GRIK5: variants seen among roughly 807,000 people sequenced by gnomAD.
GRIK5 encodes glutamate receptor ionotropic, kainate 5.
A neutral mutation model predicts 97.4 loss-of-function variants in GRIK5; 43 were observed. The observed-to-expected ratio is 0.44, with a 90% CI of 0.35 to 0.57. The LOEUF (loss-of-function observed/expected upper bound fraction) is 0.57, where lower values mean the gene tolerates loss of function less well. Among genes scored for constraint, GRIK5 ranks in the 20% least tolerant of loss-of-function variants. The pLI is 0.01. For missense variants in GRIK5, 1,015 were observed against 1,382.0 expected, an observed-to-expected ratio of 0.73 and a Z score of 4.21; for synonymous variants, 580 against 583.5, an observed-to-expected ratio of 0.99 and a Z score of 0.09.
intron 11 of GRIK5, among the ~76,000 whole-genome samples, chr19:42,048,679 C>T (rs2076074567): frequency 6.6e-6 from 1 of 151,834 alleles, no homozygotes; most frequent in Admixed American, 6.6e-5. Context: ...TAAAAAGTCA[C>T]ATATCCCAAT....
At chr19:42,063,427 G>A (rs545728890) in intron 3 of GRIK5, 93 of 450,906 alleles carry the variant, frequency 2.1e-4, no homozygotes, top group Non-Finnish European at 3.4e-4. Flanking sequence ...TTCTCCTGGG[G>A]GAACTATCCT....
intron 12 of GRIK5, among the ~76,000 whole-genome samples, chr19:42,026,670 G>T (rs1237208492): frequency 2.6e-5 from 4 of 152,012 alleles, no homozygotes. Flanking sequence ...CCGGGCTCAA[G>T]CAATTATCCT....
At chr19:42,011,806 C>T (rs1274641366) in intron 15 of GRIK5, among the ~76,000 whole-genome samples, 3 of 151,952 alleles carry the variant, frequency 2.0e-5, no homozygotes, top group Non-Finnish European at 2.9e-5. Flanking sequence ...GATCCGGTCT[C>T]TACAAAAAAT....
At chr19:42,034,581 C>T (rs2075878714) in intron 12 of GRIK5, among the ~76,000 whole-genome samples, 1 of 152,064 alleles carries the variant, frequency 6.6e-6, no homozygotes, top group South Asian at 2.1e-4. Flanking sequence ...CAATTATTTG[C>T]TGCGCACCAG....
intron 3 of GRIK5, among the ~76,000 whole-genome samples, chr19:42,064,796 G>A (rs1467996292): frequency 1.3e-5 from 2 of 152,120 alleles, no homozygotes; most frequent in African/African-American, 4.8e-5. Context: ...CTGTGATGTG[G>A]CCGGCCGTGC....
At chr19:42,011,261 A>T (rs2075558387) in intron 15 of GRIK5, among the ~76,000 whole-genome samples, 2 of 151,558 alleles carry the variant, frequency 1.3e-5, no homozygotes, top group South Asian at 4.2e-4. Flanking sequence ...GTTACTTGAA[A>T]GTATTTTGTG....
chr19:42,014,755 A>T (rs896072210), intron 15 of GRIK5, among the ~76,000 whole-genome samples: 1 of 151,468 alleles, frequency 6.6e-6, no homozygotes, highest in Non-Finnish European at 1.5e-5. Flanking sequence ...TGCACTCCCC[A>T]ATACTCACCA....
At position 42,056,750 on chromosome 19, in the gene GRIK5, G is replaced by A. The variant is rs750831712; in HGVS notation, c.815C>T (p.Thr272Met). The A allele has an allele frequency of 2.1e-5, 34 of 1,613,792 alleles. No homozygotes were observed. Among genetic ancestry groups the A allele is most frequent in the Middle Eastern group, 3.3e-4 (2 of 6,084 alleles). Reference protein sequence around the residue: ...SNILGFSMFNTSHPFYPEFVR... With the variant: ...SNILGFSMFNMSHPFYPEFVR... ...AAACTCAGGGTAGAAGGGGTGGGAC[G>A]TGTTGAACATGGAGAAGCCCAGGAT... The change falls in exon 8 of 20, where the codon ACG becomes ATG. Residue 272 changes from threonine to methionine, a missense_variant. Thr to Met is a moderately conservative substitution (Grantham distance 81). Transcript: ENST00000593562.
chr19:42,009,140 A>T (rs2075528577), intron 15 of GRIK5, among the ~76,000 whole-genome samples: 1 of 152,064 alleles, frequency 6.6e-6, no homozygotes. Context: ...AGGTGGGAGG[A>T]TCACTTGAGG....
intron 3 of GRIK5, among the ~76,000 whole-genome samples, chr19:42,065,000 C>T (rs1183947459): frequency 6.6e-6 from 1 of 152,248 alleles, no homozygotes; most frequent in Non-Finnish European, 1.5e-5. Context: ...TTCAACGCCG[C>T]CCCGTGCTCC....
chr19:42,032,480 T>C (rs570476970), intron 12 of GRIK5, among the ~76,000 whole-genome samples: 7 of 152,328 alleles, frequency 4.6e-5, no homozygotes, highest in Non-Finnish European at 8.8e-5. Context: ...CTTCTTGGAA[T>C]GTATCCCTCA....
intron 19 of GRIK5, chr19:42,001,831 C>A: frequency 2.4e-6 from 1 of 419,106 alleles, no homozygotes; most frequent in Non-Finnish European, 4.2e-6. Context: ...CAATAGATAA[C>A]TAACACAAGA....
intron 11 of GRIK5, among the ~76,000 whole-genome samples, chr19:42,052,442 C>T (rs1282129756): frequency 6.6e-6 from 1 of 152,156 alleles, no homozygotes; most frequent in Non-Finnish European, 1.5e-5. Context: ...GCCATCTGTC[C>T]CTCCACAACA....
intron 15 of GRIK5, among the ~76,000 whole-genome samples, chr19:42,007,147 T>G (rs1370276235): frequency 6.7e-6 from 1 of 150,198 alleles, no homozygotes; most frequent in East Asian, 2.0e-4. Flanking sequence ...CAGGATGGAG[T>G]GCAGTGGCAC....
chr19:42,033,644 T>C (rs1213252202), intron 12 of GRIK5, among the ~76,000 whole-genome samples: 1 of 152,078 alleles, frequency 6.6e-6, no homozygotes, highest in Non-Finnish European at 1.5e-5. Flanking sequence ...TGCCACTGAA[T>C]TGCACTCCTT....
In GRIK5 at chr19:42,042,456, G is replaced by A; in HGVS notation, c.1473+96C>T. Reference sequence around the variant, plus strand: ...ATGGCTCCTTCCTCTTCTGCCACCAGCCAGGCTGCTTCTGAGGTTCGACTG... The same window carrying A: ...ATGGCTCCTTCCTCTTCTGCCACCAACCAGGCTGCTTCTGAGGTTCGACTG... On this transcript the variant is annotated intron_variant, in intron 12 of 19. Coordinates refer to ENST00000593562, the MANE Select transcript of GRIK5 (RefSeq NM_002088.5). This position sits in a 1 kb window ranked among gnomAD's most constrained non-coding sequence, Gnocchi z 6.9. The A allele has an allele frequency of 9.2e-7, 1 of 1,090,836 alleles. No individual in the cohort carries two copies. The highest frequency in any genetic ancestry group is 1.3e-6 in the Non-Finnish European group (1 of 746,380). 67.6% of individuals were successfully genotyped at this position (1,090,836 alleles called of 1,614,324 possible). A position where few individuals can be genotyped will look rare whatever the true frequency, so the allele number is the denominator to read the frequency against.
In GRIK5 at chr19:42,059,518, C is replaced by T. The variant is rs1416520814; in HGVS notation, c.518G>A (p.Arg173Gln). The T allele has an allele frequency of 5.6e-6, 9 of 1,611,744 alleles. No individual in the cohort carries two copies. Among genetic ancestry groups the T allele is most frequent in the South Asian group, 4.4e-5 (4 of 91,044 alleles). ...GAAGCCACGCACCAGTTCCTCCAAT[C>T]GCAGCAGGCCTGAGGGAGGGGTGGG... ...LICAKAECLLRLEELVRGFLI... is the reference protein window; with the variant it reads ...LICAKAECLLQLEELVRGFLI... The change falls in exon 6 of 20, where the codon CGA (arginine) becomes CAA (glutamine). Residue 173 changes from arginine to glutamine, a missense_variant. Around this residue, in one of 5 missense-constraint regions of GRIK5, gnomAD observed 477 missense variants for 701.1 expected, o/e 0.68. Transcript: ENST00000593562.
chr19:42,048,470 AT>A, intron 11 of GRIK5, among the ~76,000 whole-genome samples: 1 of 152,150 alleles, frequency 6.6e-6, no homozygotes, highest in African/African-American at 2.4e-5. Context: ...AATACAAAAA[AT>A]TAGCCGGGCG....
rs113489282 is a variant in GRIK5, at chr19:42,013,632, G to C, written c.1872-6822C>G. Among the ~76,000 whole-genome samples, 32 of 152,022 alleles carry C rather than the reference G, an allele frequency of 2.1e-4. 1 individual carries two copies. The highest frequency in any genetic ancestry group is 7.5e-4 in the African/African-American group (31 of 41,510). On this transcript the variant is annotated intron_variant, in intron 15 of 19. Coordinates refer to ENST00000593562, the MANE Select transcript of GRIK5 (RefSeq NM_002088.5). ...TCACCATGTTAGCCAGGACGGTCTC[G>C]ATCCTCTGACCTCGTGATCCGCCCA...
Sources: gnomAD v4.1 joint callset for allele counts (sites outside exome capture counted in the v4.1 genomes callset) on GRCh38, gnomAD v4.1.1 for gene constraint, gnomAD v4.1.1 regional missense constraint, Gnocchi (gnomAD v3.1) non-coding constraint, MANE v1.5 for transcripts, NCBI Gene and HGNC (gene_info 2026-07-23, HGNC 2026-07-21) for gene names.